The following MAP4K4 variants were observed in gnomAD, a reference collection of about 807,000 sequenced individuals.
MAP4K4 encodes the protein HPK/GCK-like kinase HGK.
MAP4K4 carries 38 observed loss-of-function variants against 189.6 expected under a neutral mutation model. The observed-to-expected ratio is 0.20, with a 90% CI of 0.15 to 0.26. The LOEUF (loss-of-function observed/expected upper bound fraction) is 0.26, where lower values mean the gene tolerates loss of function less well. MAP4K4 is among the 10% of genes least tolerant of loss of function. MAP4K4 has a pLI of 1.00. For synonymous variants in MAP4K4, 610 were observed against 624.3 expected, an observed-to-expected ratio of 0.98 and a Z score of 0.34; for missense variants, 1,054 against 1,726.9, an observed-to-expected ratio of 0.61 and a Z score of 6.91.
intron 2 of MAP4K4, among the ~76,000 whole-genome samples, chr2:101,765,842 T>G (rs2078403301): frequency 6.6e-6 from 1 of 152,202 alleles, no homozygotes; most frequent in Non-Finnish European, 1.5e-5. Context: ...GTATTTCAAT[T>G]TCTGAGACAA....
At chr2:101,795,166 A>G (rs2093555126) in intron 3 of MAP4K4, among the ~76,000 whole-genome samples, 1 of 152,198 alleles carries the variant, frequency 6.6e-6, no homozygotes, top group East Asian at 1.9e-4. Flanking sequence ...ATAAGGGTGC[A>G]TTATTAGTTT....
intron 27 of MAP4K4, among the ~76,000 whole-genome samples, chr2:101,879,195 CAAAAAAAA>C (rs61482872): frequency 4.4e-5 from 3 of 67,446 alleles, no homozygotes; most frequent in African/African-American, 6.2e-5. Context: ...AGCCTGTCTC[CAAAAAAAA>C]AAAAAAAAAA....
At chr2:101,859,938 G>C (rs985855279) in intron 15 of MAP4K4, 74 bp downstream of exon 15, 2 of 1,397,892 alleles carry the variant, frequency 1.4e-6, no homozygotes, top group Non-Finnish European at 2.0e-6. Flanking sequence ...TGTGTCATAT[G>C]AGTTCTAGAA....
chr2:101,887,312 G>A lies in MAP4K4; in HGVS notation c.3771+75G>A. On this transcript the variant is annotated intron_variant, in intron 30 of 32. Transcript: ENST00000324219. ...TTGACTTTCTTCTTTACTCTGCTTAGTGAACTAACACAAGCAGGGATTCAT... is the reference window on the plus strand; with the variant it reads ...TTGACTTTCTTCTTTACTCTGCTTAATGAACTAACACAAGCAGGGATTCAT... The A allele has an allele frequency of 3.5e-6, 5 of 1,434,720 alleles. No individual in the cohort carries two copies. In the South Asian group the frequency reaches 6.7e-5, roughly 19 times the overall value. The allele number at this position is 1,434,720 out of a possible 1,614,324, so 88.9% of individuals were successfully genotyped here. A position where few individuals can be genotyped will look rare whatever the true frequency, so the allele number is the denominator to read the frequency against.
At chr2:101,780,226 A>C (rs1223227944) in intron 2 of MAP4K4, among the ~76,000 whole-genome samples, 1 of 152,196 alleles carries the variant, frequency 6.6e-6, no homozygotes, top group Non-Finnish European at 1.5e-5. Context: ...CCATGGGTGG[A>C]TGAGGAGCCC....
At chr2:101,882,445 T>TTTAA in intron 27 of MAP4K4, 106 bp from the exon 28 acceptor site, 2 of 837,500 alleles carry the variant, frequency 2.4e-6, no homozygotes, top group Non-Finnish European at 3.4e-6. Flanking sequence ...TTTCACTAGG[T>TTTAA]TTAAGTGCTG....
chr2:101,739,505 G>A (rs1320317162), intron 2 of MAP4K4, among the ~76,000 whole-genome samples: 1 of 152,128 alleles, frequency 6.6e-6, no homozygotes, highest in African/African-American at 2.4e-5. Context: ...TGGGTTTTTA[G>A]TGGTTGTAAT....
intron 11 of MAP4K4, among the ~76,000 whole-genome samples, chr2:101,843,309 G>T (rs1191558119): frequency 5.3e-5 from 8 of 152,212 alleles, no homozygotes; most frequent in Non-Finnish European, 1.2e-4. Context: ...CAAGTGACCT[G>T]TGGGGAGCCG....
At position 101,870,419 on chromosome 2, in the gene MAP4K4, C is replaced by G; in HGVS notation, c.2760+4C>G. On this transcript the variant is annotated splice_donor_region_variant and intron_variant, in intron 23 of 32. Transcript: ENST00000324219. ...GGGCACTCTAATCGTCCGCCAGGTA[C>G]CCGTGTCTTCTCTGTTGTCAGAGGC... is the stretch of plus-strand genomic sequence containing the variant. 4 of 1,613,400 alleles carry G rather than the reference C, an allele frequency of 2.5e-6. No homozygotes were observed. The highest frequency in any genetic ancestry group is 3.4e-6 in the Non-Finnish European group (4 of 1,179,712).
chr2:101,739,689 A>G (rs1558663425), intron 2 of MAP4K4, among the ~76,000 whole-genome samples: 1 of 152,250 alleles, frequency 6.6e-6, no homozygotes, highest in Non-Finnish European at 1.5e-5. Flanking sequence ...ACTGGTAGAT[A>G]GAAGAATTTC....
intron 12 of MAP4K4, 80 bp from the exon 13 acceptor site, chr2:101,855,897 A>G (rs2097437768): frequency 7.2e-7 from 1 of 1,390,254 alleles, no homozygotes; most frequent in African/African-American, 1.5e-5. Flanking sequence ...TCCACCTGGC[A>G]CTGACTGATC....
Position 101,742,576 on chromosome 2 carries a change from A to G in MAP4K4, c.123+44038A>G, listed in dbSNP as rs185754245. ...CACAGTGTTAACTTCGGCTTGAGTA[A>G]AATGAGTGAGGACTAAAGCTAGCAC... On this transcript the variant is annotated intron_variant, in intron 2 of 32. Transcript: ENST00000324219. Among the ~76,000 whole-genome samples the G allele has an allele frequency of 7.2e-5, 11 of 152,260 alleles. No homozygotes were observed. The East Asian group carries it at 2.1e-3, about 29-fold the overall frequency.
At chr2:101,843,291 G>A (rs1162481877) in intron 11 of MAP4K4, among the ~76,000 whole-genome samples, 2 of 152,158 alleles carry the variant, frequency 1.3e-5, no homozygotes, top group Non-Finnish European at 2.9e-5. Context: ...GAGGGTGGAA[G>A]GGCATCTCAA....
chr2:101,758,506 A>G (rs2074090779), intron 2 of MAP4K4, among the ~76,000 whole-genome samples: 2 of 152,170 alleles, frequency 1.3e-5, no homozygotes, highest in Admixed American at 6.5e-5. Context: ...AGTTTTTCCT[A>G]TAGGCAAGTT....
intron 2 of MAP4K4, among the ~76,000 whole-genome samples, chr2:101,741,134 G>T (rs1441849643): frequency 1.3e-5 from 2 of 149,836 alleles, no homozygotes; most frequent in Non-Finnish European, 3.0e-5. Flanking sequence ...CTCTTTTGCT[G>T]TACATGGGGA....
chr2:101,835,535 G>A (rs1311018628), intron 8 of MAP4K4, among the ~76,000 whole-genome samples: 2 of 152,094 alleles, frequency 1.3e-5, no homozygotes, highest in Admixed American at 6.5e-5. Flanking sequence ...GAAGGCCTTT[G>A]CAAGCCATAT....
intron 2 of MAP4K4, among the ~76,000 whole-genome samples, chr2:101,763,062 G>A (rs750809419): frequency 6.6e-6 from 1 of 152,154 alleles, no homozygotes; most frequent in Non-Finnish European, 1.5e-5. Context: ...CCAGATGCAG[G>A]GTCAGACCTC....
At chr2:101,893,387 G>A (rs544505082) in exon 33 of MAP4K4, 18 of 368,350 alleles carry the variant, frequency 4.9e-5, no homozygotes, top group African/African-American at 3.6e-4. Context: ...AGAGAAGGTT[G>A]AAAAATTAAT....
chr2:101,872,739 G>A (rs1320494013), intron 24 of MAP4K4, among the ~76,000 whole-genome samples: 1 of 152,150 alleles, frequency 6.6e-6, no homozygotes, highest in Admixed American at 6.5e-5. Flanking sequence ...ATGGGCTCTA[G>A]GACATGGTGA....
Sources: allele counts gnomAD v4.1 joint callset (sites outside exome capture counted in the v4.1 genomes callset), GRCh38; gene constraint gnomAD v4.1.1; transcripts MANE v1.5; gene names NCBI Gene and HGNC (gene_info 2026-07-23, HGNC 2026-07-21).